The following GABRB1 variants were observed in gnomAD, a reference collection of about 807,000 sequenced individuals.
GABRB1 encodes gamma-aminobutyric acid type A receptor subunit beta1.
GABRB1 carries 17 observed loss-of-function variants against 51.6 expected under a neutral mutation model. The observed-to-expected ratio is 0.33, with a 90% CI of 0.23 to 0.49. The LOEUF is 0.49. Among genes scored for constraint, GABRB1 ranks in the 20% least tolerant of loss-of-function variants. The probability of loss-of-function intolerance (pLI) is 0.99; values close to 1 mark genes in which losing one functional copy is unlikely to be tolerated. For synonymous variants in GABRB1, 247 were observed against 218.9 expected, an observed-to-expected ratio of 1.13 and a Z score of -1.14; for missense variants, 410 against 600.6, an observed-to-expected ratio of 0.68 and a Z score of 3.32.
chr4:47,143,782 T>A (rs917647712), intron 3 of GABRB1, among the ~76,000 whole-genome samples: 3 of 151,886 alleles, frequency 2.0e-5, no homozygotes, highest in African/African-American at 7.2e-5. Flanking sequence ...CTCACACCTG[T>A]TGAAATGCTT....
At chr4:47,378,289 G>A (rs929031662) in intron 5 of GABRB1, among the ~76,000 whole-genome samples, 12 of 152,346 alleles carry the variant, frequency 7.9e-5, no homozygotes, top group Non-Finnish European at 1.6e-4. Flanking sequence ...GCAGCCGCTG[G>A]CCTAGGTGCT....
chr4:47,146,099 A>G (rs989237118), intron 3 of GABRB1, among the ~76,000 whole-genome samples: 2 of 152,060 alleles, frequency 1.3e-5, no homozygotes, highest in Non-Finnish European at 2.9e-5. Context: ...GTTTGCAGGT[A>G]TCACTTTAGC....
At position 47,032,127 on chromosome 4, in the gene GABRB1, GGC is replaced by G. The variant is rs1491111461; in HGVS notation, c.172+123_172+124del. On this transcript the variant is annotated intron_variant, in intron 2 of 8. Coordinates refer to ENST00000295454, the MANE Select transcript of GABRB1 (RefSeq NM_000812.4). ...TTTCGTAAGCGTGCACTATACCCTG[GGC>G]ACACACACACACACACACACACACA... 1.7e-3 allele frequency: 1,001 copies of G among 577,678 alleles called. 3 individuals are homozygous for G. The highest frequency in any genetic ancestry group is 2.2e-3 in the Non-Finnish European group (718 of 332,176). 35.8% of individuals were successfully genotyped at this position (577,678 alleles called of 1,614,324 possible). A position where few individuals can be genotyped will look rare whatever the true frequency, so the allele number is the denominator to read the frequency against.
intron 1 of GABRB1, among the ~76,000 whole-genome samples, chr4:47,001,753 T>C (rs1224519974): frequency 6.6e-6 from 1 of 152,246 alleles, no homozygotes; most frequent in Non-Finnish European, 1.5e-5. Context: ...TAGAATAATC[T>C]ATACTCTATC....
rs748067784 is a variant in GABRB1, at chr4:47,116,224, GT to G, written c.241-45016del. ...GATCCATAAATAAGGTTTGATTTGT[GT>G]TTTTTTTTCCTAGGAATTATTTTTC... On this transcript the variant is annotated intron_variant, in intron 3 of 8. Transcript: ENST00000295454. 6.2e-4 allele frequency among the ~76,000 whole-genome samples: 94 copies of G among 151,012 alleles called. No homozygotes were observed. The Middle Eastern group carries it at 0.01, about 16-fold the overall frequency.
chr4:47,330,730 A>G (rs559788999), intron 5 of GABRB1, among the ~76,000 whole-genome samples: 127 of 152,298 alleles, frequency 8.3e-4, no homozygotes, highest in African/African-American at 3.0e-3. Flanking sequence ...TATTAAATTT[A>G]GTTACATCAC....
intron 1 of GABRB1, among the ~76,000 whole-genome samples, chr4:47,001,389 G>A (rs756174768): frequency 1.1e-4 from 16 of 152,200 alleles, no homozygotes; most frequent in East Asian, 1.9e-4. Flanking sequence ...TGATTCTCCC[G>A]CCTTGGCCTC....
intron 4 of GABRB1, among the ~76,000 whole-genome samples, chr4:47,299,386 T>C (rs1452790070): frequency 6.6e-6 from 1 of 151,904 alleles, no homozygotes; most frequent in South Asian, 2.1e-4. Context: ...CTCAAACAAA[T>C]TTACAAGAAA....
intron 1 of GABRB1, among the ~76,000 whole-genome samples, chr4:47,001,109 AAG>A (rs1344714673): frequency 6.6e-6 from 1 of 152,118 alleles, no homozygotes; most frequent in Non-Finnish European, 1.5e-5. Context: ...GATGTTTGGT[AAG>A]ATATTATTTT....
At chr4:47,001,310 T>C (rs1724201456) in intron 1 of GABRB1, among the ~76,000 whole-genome samples, 1 of 151,750 alleles carries the variant, frequency 6.6e-6, no homozygotes, top group African/African-American at 2.4e-5. Context: ...GCCCAGCTAA[T>C]TTTTTGTATT....
chr4:47,262,324 G>T (rs1365688053), intron 4 of GABRB1, among the ~76,000 whole-genome samples: 3 of 151,914 alleles, frequency 2.0e-5, no homozygotes, highest in South Asian at 4.2e-4. Flanking sequence ...CAGAATCTAC[G>T]ATGAACTCAA....
At chr4:47,253,601 C>G (rs1337342355) in intron 4 of GABRB1, among the ~76,000 whole-genome samples, 1 of 152,094 alleles carries the variant, frequency 6.6e-6, no homozygotes. Flanking sequence ...TTGAATTATA[C>G]CCCAAACACC....
chr4:47,022,390 T>C (rs1044863477), intron 1 of GABRB1, among the ~76,000 whole-genome samples: 2 of 152,098 alleles, frequency 1.3e-5, no homozygotes, highest in Non-Finnish European at 2.9e-5. Flanking sequence ...TTTAAAAACA[T>C]TGCTTCATTG....
intron 1 of GABRB1, among the ~76,000 whole-genome samples, chr4:47,002,845 T>C (rs1337184985): frequency 2.0e-5 from 3 of 152,212 alleles, no homozygotes; most frequent in Admixed American, 2.0e-4. Flanking sequence ...TTAACCATAA[T>C]TTTAAGAGAG....
At chr4:47,197,001 C>T (rs767151357) in intron 4 of GABRB1, among the ~76,000 whole-genome samples, 26 of 152,192 alleles carry the variant, frequency 1.7e-4, no homozygotes, top group Non-Finnish European at 3.1e-4. Flanking sequence ...TTGAGTTACA[C>T]ACAAGAGGAG....
intron 3 of GABRB1, among the ~76,000 whole-genome samples, chr4:47,118,594 T>A (rs191166041): frequency 3.9e-4 from 59 of 152,318 alleles, no homozygotes; most frequent in African/African-American, 1.2e-3. Flanking sequence ...TAATTGACTC[T>A]TGGTTATGTA....
intron 5 of GABRB1, among the ~76,000 whole-genome samples, chr4:47,329,185 C>T (rs1725369846): frequency 6.6e-6 from 1 of 151,868 alleles, no homozygotes; most frequent in Non-Finnish European, 1.5e-5. Context: ...TAATTTCATT[C>T]AGAAAGAGGA....
intron 3 of GABRB1, among the ~76,000 whole-genome samples, chr4:47,049,168 A>C (rs4315750): frequency 0.88 from 133,472 of 152,088 alleles, 58,968 homozygotes; most frequent in Non-Finnish European, 0.92. Flanking sequence ...ATAAAGGAGG[A>C]AACACAATAG....
intron 5 of GABRB1, among the ~76,000 whole-genome samples, chr4:47,331,524 T>C (rs1725478484): frequency 1.3e-5 from 2 of 152,140 alleles, no homozygotes; most frequent in Admixed American, 1.3e-4. Context: ...AGATTTAGAT[T>C]CTGGAAGTTT....
Sources: gnomAD v4.1 joint callset for allele counts (sites outside exome capture counted in the v4.1 genomes callset) on GRCh38, gnomAD v4.1.1 for gene constraint, MANE v1.5 for transcripts, NCBI Gene and HGNC (gene_info 2026-07-23, HGNC 2026-07-21) for gene names.